The following FAM168A variants were observed in gnomAD, a reference collection of about 807,000 sequenced individuals.
FAM168A encodes protein FAM168A.
Under a neutral mutation model 28.5 loss-of-function variants are expected in FAM168A, and 3 were observed. The ratio of observed to expected loss-of-function variants is 0.11; its 90% CI spans 0.05 to 0.27. FAM168A has a LOEUF of 0.27. FAM168A is among the 10% of genes least tolerant of loss of function. The pLI is 1.00. For missense variants in FAM168A, 222 were observed against 311.5 expected (o/e 0.71, Z 2.16); for synonymous variants, 122 against 124.2 (o/e 0.98, Z 0.12).
chr11:73,497,767 G>A (rs1590816723), intron 1 of FAM168A, among the ~76,000 whole-genome samples: 1 of 152,190 alleles, frequency 6.6e-6, no homozygotes, highest in East Asian at 1.9e-4. Context: ...TGGGGGGATG[G>A]GGAAGGGATA....
At chr11:73,565,221 T>C (rs1944008108) in intron 1 of FAM168A, among the ~76,000 whole-genome samples, 2 of 152,214 alleles carry the variant, frequency 1.3e-5, no homozygotes, top group African/African-American at 4.8e-5. Flanking sequence ...GATCTAAGCA[T>C]GGAATGGGAT....
chr11:73,539,079 T>G (rs1249252367), intron 1 of FAM168A, among the ~76,000 whole-genome samples: 1 of 152,188 alleles, frequency 6.6e-6, no homozygotes, highest in Non-Finnish European at 1.5e-5. Context: ...ACAAAGTAGA[T>G]GATTAATTTG....
At chr11:73,513,173 A>G (rs959535123) in intron 1 of FAM168A, among the ~76,000 whole-genome samples, 2 of 143,060 alleles carry the variant, frequency 1.4e-5, no homozygotes, top group African/African-American at 5.2e-5. Flanking sequence ...GACATGTCTC[A>G]CTTCCAGGTC....
At chr11:73,450,782 A>C (rs1341143803) in intron 2 of FAM168A, among the ~76,000 whole-genome samples, 1 of 152,070 alleles carries the variant, frequency 6.6e-6, no homozygotes, top group Non-Finnish European at 1.5e-5. Flanking sequence ...GGGTTTTCAC[A>C]AGGCAAAGCT....
At chr11:73,420,354 T>C (rs1038675951) in intron 3 of FAM168A, among the ~76,000 whole-genome samples, 4 of 152,220 alleles carry the variant, frequency 2.6e-5, no homozygotes, top group African/African-American at 9.6e-5. Context: ...GTGTAACAAC[T>C]TGGGAGCCTT....
intron 1 of FAM168A, among the ~76,000 whole-genome samples, chr11:73,473,874 C>T (rs1031289560): frequency 4.0e-5 from 6 of 150,992 alleles, no homozygotes; most frequent in African/African-American, 1.2e-4. Context: ...AGTGCAGTGG[C>T]GCAATCTCGG....
At chr11:73,524,298 A>G (rs1943423467) in intron 1 of FAM168A, among the ~76,000 whole-genome samples, 2 of 151,990 alleles carry the variant, frequency 1.3e-5, no homozygotes, top group East Asian at 3.9e-4. Context: ...ATCTAAGCAC[A>G]TGTGTACTTA....
chr11:73,522,388 C>T (rs1040550005), intron 1 of FAM168A, among the ~76,000 whole-genome samples: 1 of 151,996 alleles, frequency 6.6e-6, no homozygotes, highest in African/African-American at 2.4e-5. Flanking sequence ...GGTGCGATCT[C>T]GGCTCACTCC....
At chr11:73,500,024 A>G (rs1333957117) in intron 1 of FAM168A, among the ~76,000 whole-genome samples, 4 of 152,064 alleles carry the variant, frequency 2.6e-5, no homozygotes. Flanking sequence ...TACAGAGAAC[A>G]CCATTAAGAT....
chr11:73,420,589 T>C (rs1330157362), intron 3 of FAM168A, among the ~76,000 whole-genome samples: 3 of 152,248 alleles, frequency 2.0e-5, no homozygotes, highest in Admixed American at 1.3e-4. Flanking sequence ...CACTCCTTGC[T>C]AATAACTCCT....
intron 2 of FAM168A, among the ~76,000 whole-genome samples, chr11:73,432,499 G>A (rs1017123604): frequency 6.6e-6 from 1 of 152,016 alleles, no homozygotes; most frequent in Non-Finnish European, 1.5e-5. Flanking sequence ...TGGGATCTTA[G>A]TGTGGTTTTG....
At chr11:73,500,915 C>T (rs1854998287) in intron 1 of FAM168A, among the ~76,000 whole-genome samples, 1 of 151,896 alleles carries the variant, frequency 6.6e-6, no homozygotes, top group Non-Finnish European at 1.5e-5. Context: ...GGAGTCAAGA[C>T]CCATTGGTGT....
At chr11:73,420,036 T>C (rs747762828) in intron 3 of FAM168A, 37 bp from the exon 4 acceptor site, 2 of 1,608,938 alleles carry the variant, frequency 1.2e-6, no homozygotes, top group South Asian at 2.2e-5. Context: ...TAGACAGAAA[T>C]AAGAAGTGGC....
chr11:73,519,778 A>ATGTGTG (rs10567350), intron 1 of FAM168A, among the ~76,000 whole-genome samples: 5 of 150,036 alleles, frequency 3.3e-5, no homozygotes, highest in African/African-American at 1.2e-4. Context: ...CAGAGCATGT[A>ATGTGTG]TGTGTGTGTG....
At chr11:73,520,360 T>G (rs1006526480) in intron 1 of FAM168A, among the ~76,000 whole-genome samples, 3 of 152,166 alleles carry the variant, frequency 2.0e-5, no homozygotes, top group Non-Finnish European at 4.4e-5. Context: ...ATTTTATTAT[T>G]GTTTTAAAGC....
intron 2 of FAM168A, among the ~76,000 whole-genome samples, chr11:73,459,066 A>C (rs972115542): frequency 1.3e-5 from 2 of 151,764 alleles, no homozygotes; most frequent in East Asian, 3.9e-4. Context: ...TTTGTCCTGG[A>C]AAGTCAAACT....
chr11:73,592,999 T>G (rs1330051988), intron 1 of FAM168A, among the ~76,000 whole-genome samples: 1 of 152,216 alleles, frequency 6.6e-6, no homozygotes. Flanking sequence ...ATAAAGCTTT[T>G]TTAAAAGTTA....
intron 1 of FAM168A, among the ~76,000 whole-genome samples, chr11:73,558,199 G>A (rs1157887537): frequency 1.3e-5 from 2 of 152,096 alleles, no homozygotes; most frequent in African/African-American, 4.8e-5. Context: ...AAAGTGAAGA[G>A]GCCAAATGTG....
At chr11:73,562,807 C>CA (rs2134707980) in intron 1 of FAM168A, among the ~76,000 whole-genome samples, 1 of 152,022 alleles carries the variant, frequency 6.6e-6, no homozygotes, top group South Asian at 2.1e-4. Context: ...GCCTAGGCAA[C>CA]AGAGTAAGAC....
Sources: gnomAD v4.1 joint callset for allele counts (sites outside exome capture counted in the v4.1 genomes callset) on GRCh38, gnomAD v4.1.1 for gene constraint, MANE v1.5 for transcripts, NCBI Gene and HGNC (gene_info 2026-07-23, HGNC 2026-07-21) for gene names.